The following SLC15A1 variants were observed in gnomAD, a reference collection of about 807,000 sequenced individuals.
SLC15A1 encodes solute carrier family 15 member 1.
SLC15A1 carries 83 observed loss-of-function variants against 92.9 expected under a neutral mutation model. The ratio of observed to expected loss-of-function variants is 0.89; its 90% confidence interval spans 0.75 to 1.07. The LOEUF (loss-of-function observed/expected upper bound fraction) is 1.07. SLC15A1 is among the 50% of genes least tolerant of loss of function. The probability of loss-of-function intolerance (pLI) is 0.00; values close to 1 mark genes in which losing one functional copy is unlikely to be tolerated. For missense variants in SLC15A1, 857 were observed against 880.1 expected, an observed-to-expected ratio of 0.97 and a Z score of 0.33; for synonymous variants, 322 against 318.2, an observed-to-expected ratio of 1.01 and a Z score of -0.13.
chr13:98,714,863 A>C (rs2088201400), intron 9 of SLC15A1, among the ~76,000 whole-genome samples: 1 of 152,136 alleles, frequency 6.6e-6, no homozygotes, highest in African/African-American at 2.4e-5. Context: ...GGAGTGTATA[A>C]GGAAAAAAAT....
At chr13:98,728,017 C>A (rs1359280168) in intron 1 of SLC15A1, among the ~76,000 whole-genome samples, 1 of 152,218 alleles carries the variant, frequency 6.6e-6, no homozygotes, top group Non-Finnish European at 1.5e-5. Flanking sequence ...CTGAGATGGA[C>A]ACTTGAGCTT....
At chr13:98,726,967 A>T in intron 1 of SLC15A1, 108 bp from the exon 2 acceptor site, 1 of 980,416 alleles carries the variant, frequency 1.0e-6, no homozygotes, top group South Asian at 1.4e-5. Flanking sequence ...GGGGCCATTC[A>T]CCAAACAGCT....
intron 18 of SLC15A1, among the ~76,000 whole-genome samples, chr13:98,691,039 C>T (rs2087970955): frequency 6.6e-6 from 1 of 152,046 alleles, no homozygotes; most frequent in Admixed American, 6.6e-5. Context: ...TATCCGTACT[C>T]CATTCCTTTT....
intron 17 of SLC15A1, 85 bp downstream of exon 17, chr13:98,704,204 G>A (rs567170506): frequency 1.1e-5 from 14 of 1,305,730 alleles, no homozygotes; most frequent in Admixed American, 5.1e-5. Flanking sequence ...CACTATATGG[G>A]AGTAAAACAA....
intron 18 of SLC15A1, among the ~76,000 whole-genome samples, chr13:98,696,967 C>T (rs1276792727): frequency 6.6e-6 from 1 of 152,092 alleles, no homozygotes; most frequent in African/African-American, 2.4e-5. Flanking sequence ...ATTTACAAGC[C>T]GAGGAGACAG....
intron 10 of SLC15A1, 140 bp from the exon 11 acceptor site, chr13:98,712,083 TA>T (rs2088168278): frequency 3.2e-6 from 2 of 634,368 alleles, no homozygotes; most frequent in African/African-American, 3.7e-5. Flanking sequence ...ATCCAAAACA[TA>T]CTGCCGCAGT....
rs1209806076 is a variant in SLC15A1, at chr13:98,684,201, T to C, written c.*523A>G. On this transcript the variant is annotated 3_prime_UTR_variant, in exon 23 of 23. Coordinates refer to ENST00000376503, the MANE Select transcript of SLC15A1 (RefSeq NM_005073.4). ...GTGTACGTGTGGCTTAAATAAGCCT[T>C]TCAAACAGAAGACTTCTTCCAGAGT... 1 of 154,266 alleles carries C rather than the reference T, an allele frequency of 6.5e-6. No homozygotes were observed. The highest frequency in any genetic ancestry group is 1.9e-4 in the East Asian group (1 of 5,238). 9.6% of individuals were successfully genotyped at this position (154,266 alleles called of 1,614,324 possible).
At chr13:98,710,056 C>T in intron 11 of SLC15A1, 145 bp from the exon 12 acceptor site, 1 of 759,688 alleles carries the variant, frequency 1.3e-6, no homozygotes, top group Non-Finnish European at 2.2e-6. Context: ...GTTAATCTCC[C>T]AGCTCTATTA....
chr13:98,709,390 A>G (rs2088142472), intron 14 of SLC15A1, among the ~76,000 whole-genome samples, 182 bp downstream of exon 14: 1 of 152,262 alleles, frequency 6.6e-6, no homozygotes, highest in Admixed American at 6.5e-5. Flanking sequence ...GCTGTCAATC[A>G]CAGCATTTTT....
At position 98,748,574 on chromosome 13, in the gene SLC15A1, C is replaced by T. The variant is rs183404519; in HGVS notation, c.4+4021G>A. On this transcript the variant is annotated intron_variant, in intron 1 of 22. Transcript: ENST00000376503. ...CCTCTCCAAACGCTGAGATTACAGGCGTAAGCCGCAGTGCCCAGCTATCCC... is the reference window on the plus strand; with the variant it reads ...CCTCTCCAAACGCTGAGATTACAGGTGTAAGCCGCAGTGCCCAGCTATCCC... Among the ~76,000 whole-genome samples, 162 of 152,282 alleles carry T rather than the reference C, an allele frequency of 1.1e-3. 1 individual carries two copies. The highest frequency in any genetic ancestry group is 1.7e-3 in the Non-Finnish European group (118 of 68,026).
chr13:98,724,281 A>G (rs1422755913), intron 4 of SLC15A1, among the ~76,000 whole-genome samples: 1 of 152,154 alleles, frequency 6.6e-6, no homozygotes, highest in Admixed American at 6.5e-5. Context: ...AAGCAGGAGG[A>G]CTGCTTGAGC....
intron 9 of SLC15A1, among the ~76,000 whole-genome samples, chr13:98,713,429 T>C (rs1449672759): frequency 2.6e-5 from 4 of 152,212 alleles, no homozygotes; most frequent in Admixed American, 2.6e-4. Flanking sequence ...ATAAAGTTTG[T>C]GTTTGAAAAA....
intron 15 of SLC15A1, among the ~76,000 whole-genome samples, chr13:98,707,891 T>TTTAAAAAAAAAA (rs1315915894): frequency 1.9e-5 from 2 of 106,852 alleles, no homozygotes; most frequent in African/African-American, 7.9e-5. Flanking sequence ...AGACCCTGTT[T>TTTAAAAAAAAAA]AAAAAAAAAA....
intron 1 of SLC15A1, among the ~76,000 whole-genome samples, chr13:98,733,442 T>C (rs1323457552): frequency 6.6e-6 from 1 of 152,236 alleles, no homozygotes; most frequent in African/African-American, 2.4e-5. Flanking sequence ...ACTTGGAGCT[T>C]AGAAGTGCAT....
chr13:98,733,204 C>A (rs996563398), intron 1 of SLC15A1, among the ~76,000 whole-genome samples: 19 of 152,194 alleles, frequency 1.2e-4, no homozygotes, highest in African/African-American at 4.3e-4. Context: ...TCATTTTGGA[C>A]TTCTGACCTC....
chr13:98,729,704 A>G (rs1566455942), intron 1 of SLC15A1, among the ~76,000 whole-genome samples: 1 of 152,104 alleles, frequency 6.6e-6, no homozygotes, highest in African/African-American at 2.4e-5. Context: ...TATTTTCATT[A>G]TGTGCAAGTT....
At chr13:98,748,753 T>G (rs951190479) in intron 1 of SLC15A1, among the ~76,000 whole-genome samples, 1 of 152,122 alleles carries the variant, frequency 6.6e-6, no homozygotes, top group East Asian at 1.9e-4. Flanking sequence ...AGTGGCAACA[T>G]GTTCACATGG....
At chr13:98,736,687 T>G (rs2088396945) in intron 1 of SLC15A1, among the ~76,000 whole-genome samples, 1 of 152,162 alleles carries the variant, frequency 6.6e-6, no homozygotes, top group Non-Finnish European at 1.5e-5. Flanking sequence ...GCAAAGGATA[T>G]GAACAGACAC....
intron 1 of SLC15A1, among the ~76,000 whole-genome samples, chr13:98,745,003 A>G (rs1444929497): frequency 6.6e-6 from 1 of 152,128 alleles, no homozygotes; most frequent in African/African-American, 2.4e-5. Context: ...AAACAGCTAT[A>G]TTTTTCAAAA....
Sources: allele counts gnomAD v4.1 joint callset (sites outside exome capture counted in the v4.1 genomes callset), GRCh38; gene constraint gnomAD v4.1.1; transcripts MANE v1.5; gene names NCBI Gene and HGNC (gene_info 2026-07-23, HGNC 2026-07-21).